SLC9C1: variants seen among roughly 807,000 people sequenced by gnomAD.
SLC9C1 encodes the protein solute carrier family 9 member C1, also known as sodium/hydrogen exchanger 10.
A neutral mutation model predicts 140.9 loss-of-function variants in SLC9C1; 97 were observed. The ratio of observed to expected loss-of-function variants is 0.69; its 90% confidence interval spans 0.58 to 0.82. SLC9C1 has a LOEUF of 0.82. SLC9C1 is among the 40% of genes least tolerant of loss of function. The probability of loss-of-function intolerance (pLI) is 0.00; values close to 1 mark genes in which losing one functional copy is unlikely to be tolerated. For missense variants in SLC9C1, 1,340 were observed against 1,389.3 expected (o/e 0.96, Z 0.56); for synonymous variants, 440 against 442.6 (o/e 0.99, Z 0.07).
At chr3:112,254,839 G>A (rs1042797884) in intron 10 of SLC9C1, among the ~76,000 whole-genome samples, 13 of 151,968 alleles carry the variant, frequency 8.6e-5, no homozygotes, top group Non-Finnish European at 8.8e-5. Flanking sequence ...TGCTGTCTTC[G>A]AGAGACCCCT....
intron 20 of SLC9C1, among the ~76,000 whole-genome samples, chr3:112,196,760 G>A (rs2077776663): frequency 6.6e-6 from 1 of 151,834 alleles, no homozygotes; most frequent in South Asian, 2.1e-4. Context: ...GTGTCTTTAT[G>A]GATATTTCCA....
At chr3:112,222,738 T>C (rs2078575923) in intron 13 of SLC9C1, among the ~76,000 whole-genome samples, 1 of 152,088 alleles carries the variant, frequency 6.6e-6, no homozygotes, top group Non-Finnish European at 1.5e-5. Flanking sequence ...TACATTAAAA[T>C]TGGGAAGTGA....
chr3:112,292,906 CTG>C (rs1559762239), intron 1 of SLC9C1, among the ~76,000 whole-genome samples: 1 of 151,868 alleles, frequency 6.6e-6, no homozygotes. Flanking sequence ...TTGTAAAAGT[CTG>C]TGAGTCCAAA....
intron 6 of SLC9C1, among the ~76,000 whole-genome samples, chr3:112,274,268 A>G (rs1397139645): frequency 2.0e-5 from 3 of 152,122 alleles, no homozygotes; most frequent in Admixed American, 2.0e-4. Context: ...TAATAGTTAT[A>G]TAGCTGTATA....
At chr3:112,191,541 C>T (rs1284271891) in intron 20 of SLC9C1, among the ~76,000 whole-genome samples, 1 of 151,948 alleles carries the variant, frequency 6.6e-6, no homozygotes, top group Non-Finnish European at 1.5e-5. Flanking sequence ...GAAATAAATC[C>T]CACTTTACCA....
chr3:112,181,587 A>G (rs2077439868), intron 21 of SLC9C1, among the ~76,000 whole-genome samples: 2 of 152,208 alleles, frequency 1.3e-5, no homozygotes, highest in Non-Finnish European at 2.9e-5. Context: ...AGTAGGAGGG[A>G]GACCTAAAGA....
At chr3:112,246,127 T>C (rs2079277109) in intron 10 of SLC9C1, among the ~76,000 whole-genome samples, 1 of 152,208 alleles carries the variant, frequency 6.6e-6, no homozygotes, top group South Asian at 2.1e-4. Context: ...TCTGGGTTTA[T>C]TTCCTGGTGA....
intron 26 of SLC9C1, among the ~76,000 whole-genome samples, chr3:112,164,668 G>T (rs1371419706): frequency 6.6e-6 from 1 of 151,538 alleles, no homozygotes; most frequent in African/African-American, 2.4e-5. Flanking sequence ...GCTTCCCTTT[G>T]TGGGTAACCT....
At chr3:112,221,301 T>C in intron 13 of SLC9C1, 76 bp from the exon 14 acceptor site, 1 of 1,246,228 alleles carries the variant, frequency 8.0e-7, no homozygotes, top group Non-Finnish European at 1.1e-6. Context: ...ATGGGAAAAA[T>C]GTGTGATAAA....
chr3:112,167,171 T>A (rs770389284), intron 26 of SLC9C1, 50 bp downstream of exon 26: 52 of 1,589,536 alleles, frequency 3.3e-5, no homozygotes, highest in Middle Eastern at 3.3e-4. Flanking sequence ...TATGGCTATT[T>A]TATAAAGGGA....
At chr3:112,254,641 C>A (rs904165601) in intron 10 of SLC9C1, among the ~76,000 whole-genome samples, 29 of 152,104 alleles carry the variant, frequency 1.9e-4, no homozygotes, top group East Asian at 7.7e-4. Flanking sequence ...CAAAAACACA[C>A]ATAAATACAT....
At chr3:112,184,476 A>G (rs1225107714) in intron 20 of SLC9C1, among the ~76,000 whole-genome samples, 2 of 144,650 alleles carry the variant, frequency 1.4e-5, no homozygotes, top group South Asian at 2.4e-4. Context: ...CATCTCTACT[A>G]AAAATAAAAA....
Position 112,281,686 on chromosome 3 carries a change from G to A in SLC9C1, c.89-903C>T, listed in dbSNP as rs562445059. Among the ~76,000 whole-genome samples the A allele has an allele frequency of 5.3e-5, 8 of 152,296 alleles. No homozygotes were observed. The East Asian group carries it at 5.8e-4, about 11-fold the overall frequency. ...TTTGTCATATTTATTTGATCAAGAC[G>A]TTGAAGATTTATATCATAAGGATCT... On this transcript the variant is annotated intron_variant, in intron 2 of 28. Transcript: ENST00000305815.
chr3:112,277,999 T>C, intron 4 of SLC9C1, 139 bp from the exon 5 acceptor site: 1 of 565,016 alleles, frequency 1.8e-6, no homozygotes, highest in Non-Finnish European at 2.9e-6. Flanking sequence ...TGGGGCCATC[T>C]AGCTCACGCT....
chr3:112,189,280 T>C (rs1560044640), intron 20 of SLC9C1, among the ~76,000 whole-genome samples: 1 of 152,228 alleles, frequency 6.6e-6, no homozygotes, highest in Non-Finnish European at 1.5e-5. Flanking sequence ...TTGCTTTTGG[T>C]GTTTTAGTCA....
At chr3:112,169,705 G>A (rs1020135746) in intron 23 of SLC9C1, among the ~76,000 whole-genome samples, 2 of 152,144 alleles carry the variant, frequency 1.3e-5, no homozygotes, top group South Asian at 2.1e-4. Context: ...GATTGCTTTG[G>A]ATATTTGAGC....
chr3:112,163,122 CT>C (rs2075357404), intron 26 of SLC9C1, among the ~76,000 whole-genome samples: 1 of 134,336 alleles, frequency 7.4e-6, no homozygotes, highest in African/African-American at 2.8e-5. Context: ...GTGATATCCC[CT>C]TTATCATTTT....
chr3:112,287,911 C>T (rs919928236), intron 1 of SLC9C1, among the ~76,000 whole-genome samples: 3 of 151,814 alleles, frequency 2.0e-5, no homozygotes, highest in Admixed American at 6.6e-5. Flanking sequence ...GGCATGGTGG[C>T]GGGCGCCTGT....
intron 25 of SLC9C1, among the ~76,000 whole-genome samples, chr3:112,168,350 C>CAT (rs1560023749): frequency 8.9e-6 from 1 of 112,580 alleles, no homozygotes. Flanking sequence ...CACACACACA[C>CAT]ACACACACAC....
Sources: gnomAD v4.1 joint callset for allele counts (sites outside exome capture counted in the v4.1 genomes callset) on GRCh38, gnomAD v4.1.1 for gene constraint, MANE v1.5 for transcripts, NCBI Gene and HGNC (gene_info 2026-07-23, HGNC 2026-07-21) for gene names.